Variants in CORO2B observed in about 807,000 individuals in gnomAD.
CORO2B encodes the protein coronin 2B.
A neutral mutation model predicts 58.8 loss-of-function variants in CORO2B; 26 were observed. That is an observed-to-expected ratio of 0.44 (90% CI 0.32 to 0.61). The LOEUF is 0.61. CORO2B is among the 20% of genes least tolerant of loss of function. The probability of loss-of-function intolerance (pLI) is 0.04; values close to 1 mark genes in which losing one functional copy is unlikely to be tolerated. For synonymous variants in CORO2B, 242 were observed against 253.8 expected, an observed-to-expected ratio of 0.95 and a Z score of 0.44; for missense variants, 460 against 645.1, an observed-to-expected ratio of 0.71 and a Z score of 3.11.
the CORO2B span, among the ~76,000 whole-genome samples, chr15:68,556,656 A>C: frequency 6.6e-6 from 1 of 152,174 alleles, no homozygotes; most frequent in South Asian, 2.1e-4. Context: ...CTTTATTTCC[A>C]CAAAATCTTC....
intron 2 of CORO2B, among the ~76,000 whole-genome samples, chr15:68,666,720 A>G (rs1041365570): frequency 1.3e-5 from 2 of 152,106 alleles, no homozygotes; most frequent in African/African-American, 4.8e-5. Flanking sequence ...GAAGGGGCCA[A>G]GGGAGTTTTG....
intron 1 of CORO2B, chr15:68,632,198 G>A (rs1900857548): frequency 4.1e-6 from 4 of 985,414 alleles, no homozygotes; most frequent in Non-Finnish European, 4.8e-6. Context: ...ATAACTCCTT[G>A]GGCGCTATTC....
At chr15:68,714,944 C>A (rs908384856) in intron 7 of CORO2B, among the ~76,000 whole-genome samples, 1 of 152,122 alleles carries the variant, frequency 6.6e-6, no homozygotes, top group African/African-American at 2.4e-5. Context: ...ATTTGAGATA[C>A]CCGCCAGGAG....
intron 2 of CORO2B, among the ~76,000 whole-genome samples, chr15:68,674,314 G>A (rs143381447): frequency 6.6e-6 from 1 of 152,336 alleles, no homozygotes; most frequent in Non-Finnish European, 1.5e-5. Context: ...CGGGACGGTG[G>A]GTAGTATATA....
chr15:68,648,377 T>C (rs866107371), intron 2 of CORO2B, among the ~76,000 whole-genome samples: 1 of 149,120 alleles, frequency 6.7e-6, no homozygotes, highest in Admixed American at 6.7e-5. Context: ...CCGGGTGCAG[T>C]GGCTCACGCC....
intron 1 of CORO2B, among the ~76,000 whole-genome samples, chr15:68,608,181 G>T (rs1900168382): frequency 6.6e-6 from 1 of 152,246 alleles, no homozygotes; most frequent in African/African-American, 2.4e-5. Context: ...ACCAGACATG[G>T]GGGGCCTGAG....
At chr15:68,590,049 AAC>A (rs1175531178) in intron 1 of CORO2B, among the ~76,000 whole-genome samples, 1 of 152,072 alleles carries the variant, frequency 6.6e-6, no homozygotes, top group Non-Finnish European at 1.5e-5. Context: ...GTTTCTCTGA[AAC>A]CATGAGAAGG....
intron 1 of CORO2B, chr15:68,632,428 G>A (rs1054104365): frequency 1.6e-5 from 16 of 985,328 alleles, no homozygotes; most frequent in East Asian, 2.3e-4. Context: ...TTGCTAACAC[G>A]GAGAGACAGA....
chr15:68,570,770 C>T, the CORO2B span, among the ~76,000 whole-genome samples: 4,005 of 147,512 alleles, frequency 0.027, 196 homozygotes, highest in African/African-American at 0.096. Context: ...CAGAAAGAGC[C>T]GAGGATGGAC....
At chr15:68,581,798 G>A (rs2140555633) in intron 1 of CORO2B, among the ~76,000 whole-genome samples, 2 of 152,270 alleles carry the variant, frequency 1.3e-5, no homozygotes, top group South Asian at 4.2e-4. Context: ...GGTAGGGGAG[G>A]AAATGGGTTC....
chr15:68,657,557 G>A (rs146641954), intron 2 of CORO2B, among the ~76,000 whole-genome samples: 55 of 145,198 alleles, frequency 3.8e-4, no homozygotes, highest in African/African-American at 1.3e-3. Context: ...TTATCAAAAT[G>A]TATACCAGAA....
the CORO2B span, among the ~76,000 whole-genome samples, chr15:68,549,942 AAAAAT>A: frequency 1.4e-5 from 2 of 147,200 alleles, no homozygotes; most frequent in African/African-American, 5.1e-5. Flanking sequence ...CTATGTCTCA[AAAAAT>A]AAAATAAAAT....
rs1322391556 is a variant in CORO2B, at chr15:68,645,264, G to T, written c.120G>T (p.Val40=). 5 of 1,614,170 alleles carry T rather than the reference G, an allele frequency of 3.1e-6. No individual in the cohort carries two copies. Among genetic ancestry groups the T allele is most frequent in the Non-Finnish European group, 4.2e-6 (5 of 1,180,026 alleles). ...ATGGGATCCCCATCACCAAGAATGT[G>T]CACGACAACCACTTCTGTGCCGTCA... The part of the protein sequence containing the change: ...CFDGIPITKN[V]HDNHFCAVNT... The change falls in exon 2 of 12, where the codon GTG becomes GTT. Residue 40 remains valine (V), a synonymous_variant. Coordinates refer to ENST00000261861, the MANE Select transcript of CORO2B (RefSeq NM_006091.5). The surrounding 1 kb of genome is among the most constrained non-coding windows in gnomAD (Gnocchi z 4.5).
the CORO2B span, among the ~76,000 whole-genome samples, chr15:68,549,953 AAAATAAAT>A: frequency 6.9e-5 from 10 of 144,488 alleles, no homozygotes; most frequent in African/African-American, 1.3e-4. Flanking sequence ...AAAATAAAAT[AAAATAAAT>A]AAATAAATAA....
intron 2 of CORO2B, among the ~76,000 whole-genome samples, chr15:68,649,941 A>G (rs1647053181): frequency 6.6e-6 from 1 of 152,088 alleles, no homozygotes; most frequent in African/African-American, 2.4e-5. Flanking sequence ...AATACTTTTG[A>G]CCCAATGGAC....
rs551281653 is a variant in CORO2B at position 68,639,802 on chromosome 15, A to G, written c.16-5358A>G. On this transcript the variant is annotated intron_variant, in intron 1 of 11. Coordinates refer to ENST00000261861, the MANE Select transcript of CORO2B (RefSeq NM_006091.5). Reference sequence around the variant, plus strand: ...AGTTCAAAACCAATCTTGAAAACCAATCTCAAAACCAATATGTCCCAGTCT... The same window carrying G: ...AGTTCAAAACCAATCTTGAAAACCAGTCTCAAAACCAATATGTCCCAGTCT... 4.6e-5 allele frequency among the ~76,000 whole-genome samples: 7 copies of G among 151,710 alleles called. No homozygotes were observed. The South Asian group carries it at 6.2e-4, about 13-fold the overall frequency.
chr15:68,590,626 C>T (rs1899680556), intron 1 of CORO2B, among the ~76,000 whole-genome samples: 1 of 152,202 alleles, frequency 6.6e-6, no homozygotes, highest in African/African-American at 2.4e-5. Flanking sequence ...CGCTTAGAAC[C>T]CACTATAGAA....
chr15:68,563,783 C>A, the CORO2B span, among the ~76,000 whole-genome samples: 1 of 151,942 alleles, frequency 6.6e-6, no homozygotes, highest in African/African-American at 2.4e-5. Flanking sequence ...AGATGAAATC[C>A]GCAAATTCCT....
intron 1 of CORO2B, among the ~76,000 whole-genome samples, chr15:68,640,592 C>G (rs1901182027): frequency 6.6e-6 from 1 of 151,484 alleles, no homozygotes; most frequent in South Asian, 2.1e-4. Context: ...ACACATGAAC[C>G]TAGGTTTCAC....
Sources: allele counts gnomAD v4.1 joint callset (sites outside exome capture counted in the v4.1 genomes callset), GRCh38; gene constraint gnomAD v4.1.1; non-coding constraint Gnocchi (gnomAD v3.1); transcripts MANE v1.5; gene names NCBI Gene and HGNC (gene_info 2026-07-23, HGNC 2026-07-21).